The following USP3 variants were observed in gnomAD, a reference collection of about 807,000 sequenced individuals.
USP3 encodes the protein ubiquitin carboxyl-terminal hydrolase 3.
In USP3, 20 loss-of-function variants were observed where a neutral mutation model predicts 72.3. That is an observed-to-expected ratio of 0.28 (90% CI 0.19 to 0.40). USP3 has a LOEUF of 0.40. Among genes scored for constraint, USP3 ranks in the 10% least tolerant of loss-of-function variants. The pLI is 1.00. For missense variants in USP3, 479 were observed against 633.9 expected, an observed-to-expected ratio of 0.76 and a Z score of 2.62; for synonymous variants, 222 against 225.3, an observed-to-expected ratio of 0.99 and a Z score of 0.13.
In USP3 at chr15:63,588,837, C is replaced by A; in HGVS notation, c.1329+22C>A. 1 of 1,610,298 alleles carries A rather than the reference C, an allele frequency of 6.2e-7. No homozygotes were observed. Among genetic ancestry groups the A allele is most frequent in the Non-Finnish European group, 8.5e-7 (1 of 1,176,974 alleles). ...AGAGGTAAGGTGGTTACCTTTTTAG[C>A]ATGGTGAAAAAATGGCTCTTCAGTA... On this transcript the variant is annotated intron_variant, in intron 13 of 14. Transcript: ENST00000380324. This position sits in a 1 kb window ranked among gnomAD's most constrained non-coding sequence, Gnocchi z 4.6.
rs2152686052 is a variant in USP3, at chr15:63,591,352, AG to A, written c.*529del. The A allele has an allele frequency of 6.6e-6, 1 of 152,652 alleles. No individual in the cohort carries two copies. The highest frequency in any genetic ancestry group is 1.9e-4 in the East Asian group (1 of 5,200). 9.5% of individuals were successfully genotyped at this position (152,652 alleles called of 1,614,324 possible). On this transcript the variant is annotated 3_prime_UTR_variant, in exon 15 of 15. Coordinates refer to ENST00000380324, the MANE Select transcript of USP3 (RefSeq NM_006537.4). ...TCTTTTTGCCTGTAAAATATAACAA[AG>A]GGCATCATTAAGTAGACCAGGTAAT...
intron 1 of USP3, among the ~76,000 whole-genome samples, chr15:63,526,434 G>A (rs980358088): frequency 2.0e-5 from 3 of 152,114 alleles, no homozygotes; most frequent in Admixed American, 6.5e-5. Context: ...GATTGTAGAA[G>A]ATTAATTAGC....
chr15:63,508,024 AT>A (rs2065735695), intron 1 of USP3, among the ~76,000 whole-genome samples: 1 of 152,198 alleles, frequency 6.6e-6, no homozygotes, highest in Admixed American at 6.5e-5. Context: ...AGACAGCTGG[AT>A]TCTTACATTG....
chr15:63,505,168 C>G (rs969775726), intron 1 of USP3, among the ~76,000 whole-genome samples: 1 of 151,834 alleles, frequency 6.6e-6, no homozygotes, highest in Non-Finnish European at 1.5e-5. Context: ...GGGCTGTGCC[C>G]GTCCGTGTTG....
intron 7 of USP3, among the ~76,000 whole-genome samples, chr15:63,560,828 CT>C (rs1312043711): frequency 4.0e-4 from 61 of 152,264 alleles, no homozygotes; most frequent in Admixed American, 4.0e-3. Context: ...AACTTTACAG[CT>C]CTTTTTCAGA....
Position 63,504,801 on chromosome 15 carries a change from A to G in USP3, c.62A>G (p.Asn21Ser), listed in dbSNP as rs1467580384. 2.5e-6 allele frequency: 4 copies of G among 1,609,312 alleles called. No homozygotes were observed. The highest frequency in any genetic ancestry group is 2.2e-5 in the East Asian group (1 of 44,576). Residue 21 changes from asparagine to serine, a missense_variant, in exon 1 of 15, where the codon AAC (asparagine) becomes AGC (serine). Coordinates refer to ENST00000380324, the MANE Select transcript of USP3 (RefSeq NM_006537.4). Reference protein sequence around the residue: ...CIAPDSAKFPNGSPSSWCCSV... With the variant: ...CIAPDSAKFPSGSPSSWCCSV... ...GCTCCGGACTCAGCCAAGTTCCCCA[A>G]CGGCTCCCCGTCGTCCTGGTGCTGC... is the stretch of plus-strand genomic sequence containing the variant.
chr15:63,589,341 C>G (rs2067139569), intron 14 of USP3, among the ~76,000 whole-genome samples: 1 of 152,206 alleles, frequency 6.6e-6, no homozygotes, highest in Non-Finnish European at 1.5e-5. Flanking sequence ...GAATAACTTA[C>G]TCCATATCAT....
chr15:63,587,192 G>A (rs1332938312), intron 11 of USP3, among the ~76,000 whole-genome samples: 1 of 152,092 alleles, frequency 6.6e-6, no homozygotes, highest in Non-Finnish European at 1.5e-5. Flanking sequence ...GCAGAGGAAG[G>A]GGAATTATCT....
intron 8 of USP3, among the ~76,000 whole-genome samples, chr15:63,563,928 T>A (rs1299926360): frequency 6.6e-6 from 1 of 152,224 alleles, no homozygotes; most frequent in African/African-American, 2.4e-5. Context: ...CTGACATGAG[T>A]AACTAGTGTT....
chr15:63,576,091 A>C (rs2066859084), intron 11 of USP3, among the ~76,000 whole-genome samples: 1 of 148,704 alleles, frequency 6.7e-6, no homozygotes, highest in African/African-American at 2.5e-5. Context: ...GGTTCAAGTG[A>C]TTCTCCTGGC....
chr15:63,581,401 T>TGTG, intron 11 of USP3, among the ~76,000 whole-genome samples: 1 of 126,020 alleles, frequency 7.9e-6, no homozygotes, highest in African/African-American at 3.0e-5. Flanking sequence ...GTGTGTGTGT[T>TGTG]TAGATGGAGT....
Position 63,547,735 on chromosome 15 carries a change from AGAGAGAGAGG to A in USP3, c.285-5976_285-5967del, listed in dbSNP as rs1403730457. Among the ~76,000 whole-genome samples, 298 of 42,382 alleles carry A rather than the reference AGAGAGAGAGG, an allele frequency of 7.0e-3. 3 individuals are homozygous for A. Among genetic ancestry groups the A allele is most frequent in the African/African-American group, 0.03 (268 of 8,854 alleles). The allele number at this position is 42,382 out of a possible 152,430, so 27.8% of individuals were successfully genotyped here. On this transcript the variant is annotated intron_variant, in intron 3 of 14. Transcript: ENST00000380324. ...ACCCTGTCTCAATAGAGAGAGAGAG[AGAGAGAGAGG>A]GAGGGAGGGAGGGAGGGAGAGAGAG...
chr15:63,592,953 AT>A lies in USP3; in HGVS notation c.*2128del, dbSNP rs2152686761. On this transcript the variant is annotated 3_prime_UTR_variant, in exon 15 of 15. Coordinates refer to ENST00000380324, the MANE Select transcript of USP3 (RefSeq NM_006537.4). ...GCAAATTACAATTATGTGTAAACTTATATCATCCAGTACAATGGCCCCTAGC... is the reference window on the plus strand; with the variant it reads ...GCAAATTACAATTATGTGTAAACTTAATCATCCAGTACAATGGCCCCTAGC... The A allele has an allele frequency of 6.6e-6, 1 of 152,280 alleles. No individual in the cohort carries two copies. The highest frequency in any genetic ancestry group is 2.1e-4 in the South Asian group (1 of 4,824). The allele number at this position is 152,280 out of a possible 1,614,324, so 9.4% of individuals were successfully genotyped here. A position where few individuals can be genotyped will look rare whatever the true frequency, so the allele number is the denominator to read the frequency against.
intron 1 of USP3, among the ~76,000 whole-genome samples, chr15:63,510,072 T>C (rs574890627): frequency 1.4e-4 from 22 of 152,216 alleles, no homozygotes; most frequent in Admixed American, 1.1e-3. Flanking sequence ...AGCCTTAGGC[T>C]CGTGTAACAG....
intron 8 of USP3, among the ~76,000 whole-genome samples, chr15:63,564,399 A>G (rs1029015596): frequency 6.6e-6 from 1 of 152,194 alleles, no homozygotes; most frequent in African/African-American, 2.4e-5. Flanking sequence ...GGCTAATAAT[A>G]GATTTGTTGA....
intron 11 of USP3, among the ~76,000 whole-genome samples, chr15:63,578,984 A>T (rs1461522575): frequency 6.6e-6 from 1 of 152,192 alleles, no homozygotes; most frequent in Non-Finnish European, 1.5e-5. Flanking sequence ...CTCAATTTTT[A>T]AAAAATCAAA....
chr15:63,571,213 T>A (rs1209316589), intron 9 of USP3, among the ~76,000 whole-genome samples: 3 of 152,342 alleles, frequency 2.0e-5, no homozygotes, highest in Admixed American at 1.3e-4. Context: ...AGTTGCAGCC[T>A]CCTTTGTTCA....
intron 1 of USP3, among the ~76,000 whole-genome samples, chr15:63,525,101 G>C (rs543847686): frequency 6.6e-5 from 10 of 152,308 alleles, no homozygotes; most frequent in African/African-American, 2.4e-4. Flanking sequence ...AGGGATAGAG[G>C]CAAAAGAGAG....
At chr15:63,577,818 T>C (rs1054609686) in intron 11 of USP3, among the ~76,000 whole-genome samples, 1 of 151,640 alleles carries the variant, frequency 6.6e-6, no homozygotes, top group African/African-American at 2.4e-5. Context: ...AATCCCAGCT[T>C]CTTGGGAGGC....
Sources: gnomAD v4.1 joint callset for allele counts (sites outside exome capture counted in the v4.1 genomes callset) on GRCh38, gnomAD v4.1.1 for gene constraint, Gnocchi (gnomAD v3.1) non-coding constraint, MANE v1.5 for transcripts, NCBI Gene and HGNC (gene_info 2026-07-23, HGNC 2026-07-21) for gene names.